Variants in DAB1 observed in about 807,000 individuals in gnomAD.
DAB1 encodes disabled homolog 1.
DAB1 carries 15 observed loss-of-function variants against 64.6 expected under a neutral mutation model. The observed-to-expected ratio is 0.23, with a 90% CI of 0.16 to 0.36. DAB1 has a LOEUF of 0.36. Among genes scored for constraint, DAB1 ranks in the 10% least tolerant of loss-of-function variants. DAB1 has a pLI of 1.00. For missense variants in DAB1, 596 were observed against 706.7 expected (o/e 0.84, Z 1.78); for synonymous variants, 235 against 251.9 (o/e 0.93, Z 0.64).
At chr1:57,428,824 C>G (rs1336667887), upstream of DAB1, among the ~76,000 whole-genome samples, 1 of 121,616 alleles carries the variant, frequency 8.2e-6, no homozygotes, top group Non-Finnish European at 1.6e-5. Context: ...ACCAACACTT[C>G]TTACATTTGT....
At chr1:57,516,958 C>A (rs1161979327) in intron 7 of DAB1, among the ~76,000 whole-genome samples, 1 of 152,158 alleles carries the variant, frequency 6.6e-6, no homozygotes, top group African/African-American at 2.4e-5. Context: ...GAAATAGGTT[C>A]TTGCTCAAAA....
chr1:57,363,593 C>T (rs1457003535), intron 1 of DAB1, among the ~76,000 whole-genome samples: 1 of 152,132 alleles, frequency 6.6e-6, no homozygotes, highest in East Asian at 1.9e-4. Context: ...ATGGAAGGCG[C>T]TTGGCACATT....
At chr1:57,510,802 G>A (rs139908653) in intron 7 of DAB1, among the ~76,000 whole-genome samples, 19 of 151,756 alleles carry the variant, frequency 1.3e-4, no homozygotes, top group South Asian at 2.1e-4. Flanking sequence ...TTTTAGACTC[G>A]GGGTCTCGCT....
intron 4 of DAB1, among the ~76,000 whole-genome samples, chr1:58,186,449 G>A (rs113119927): frequency 7.9e-5 from 12 of 152,268 alleles, no homozygotes; most frequent in African/African-American, 2.9e-4. Flanking sequence ...TTTATTAAAG[G>A]AAGTAAATAA....
chr1:57,600,063 C>G (rs907435913), intron 7 of DAB1, among the ~76,000 whole-genome samples: 1 of 152,140 alleles, frequency 6.6e-6, no homozygotes, highest in Non-Finnish European at 1.5e-5. Flanking sequence ...CGAGGAAGTC[C>G]TGCCCCACCT....
chr1:58,059,506 C>T (rs960262320), intron 5 of DAB1, among the ~76,000 whole-genome samples: 1 of 152,230 alleles, frequency 6.6e-6, no homozygotes, highest in Non-Finnish European at 1.5e-5. Context: ...GCTGGATACA[C>T]ACATGCCACT....
intron 1 of DAB1, among the ~76,000 whole-genome samples, chr1:57,304,564 T>A (rs149669394): frequency 3.3e-3 from 505 of 152,284 alleles, no homozygotes; most frequent in Non-Finnish European, 6.2e-3. Flanking sequence ...TCTTTGAGCC[T>A]CCCTTTCTAC....
At chr1:57,424,273 G>T (rs1685170213), upstream of DAB1, among the ~76,000 whole-genome samples, 1 of 151,460 alleles carries the variant, frequency 6.6e-6, no homozygotes, top group South Asian at 2.1e-4. Flanking sequence ...CGCTCTCTGC[G>T]CAGCCGGAGC....
chr1:57,208,517 C>T (rs770645293), intron 2 of DAB1, among the ~76,000 whole-genome samples: 1 of 152,236 alleles, frequency 6.6e-6, no homozygotes, highest in African/African-American at 2.4e-5. Context: ...CCTCCTTATT[C>T]TTCAGCAGCT....
At chr1:57,470,370 G>A (rs898205256) in intron 7 of DAB1, among the ~76,000 whole-genome samples, 2 of 152,188 alleles carry the variant, frequency 1.3e-5, no homozygotes, top group African/African-American at 2.4e-5. Flanking sequence ...CAGAACTCCA[G>A]ATTTTCAAAA....
At chr1:57,338,125 T>C (rs1677250944) in intron 1 of DAB1, among the ~76,000 whole-genome samples, 2 of 151,954 alleles carry the variant, frequency 1.3e-5, no homozygotes, top group African/African-American at 4.8e-5. Flanking sequence ...GCTGGGACTA[T>C]AGGCACACAC....
chr1:57,005,768 T>C (rs1307335823), intron 14 of DAB1, among the ~76,000 whole-genome samples: 2 of 152,230 alleles, frequency 1.3e-5, no homozygotes, highest in East Asian at 3.8e-4. Flanking sequence ...TGCTATTACA[T>C]GTGAATCTCA....
intron 5 of DAB1, among the ~76,000 whole-genome samples, chr1:57,971,571 A>G (rs969050203): frequency 2.0e-5 from 3 of 152,232 alleles, no homozygotes; most frequent in Admixed American, 6.5e-5. Flanking sequence ...CTCATCTGTA[A>G]GACAGGAATG....
intron 7 of DAB1, among the ~76,000 whole-genome samples, chr1:57,463,192 C>T (rs941139720): frequency 1.3e-5 from 2 of 152,170 alleles, no homozygotes; most frequent in Admixed American, 6.5e-5. Flanking sequence ...CCCTGGACAG[C>T]TTCAGTGGCT....
At chr1:57,275,140 G>C (rs1275790626) in intron 2 of DAB1, among the ~76,000 whole-genome samples, 1 of 151,964 alleles carries the variant, frequency 6.6e-6, no homozygotes, top group East Asian at 2.0e-4. Context: ...GAAAAGGATA[G>C]AGAGAAAAAG....
At chr1:58,518,999 G>A (rs1646217391) in intron 2 of DAB1, among the ~76,000 whole-genome samples, 1 of 152,122 alleles carries the variant, frequency 6.6e-6, no homozygotes, top group South Asian at 2.1e-4. Context: ...TCTCAAACTT[G>A]GCAGTATGGT....
At chr1:58,312,599 GC>G (rs1183645890) in intron 4 of DAB1, among the ~76,000 whole-genome samples, 1 of 152,190 alleles carries the variant, frequency 6.6e-6, no homozygotes, top group Admixed American at 6.5e-5. Flanking sequence ...TTCAGAATAT[GC>G]TAAAACTTAT....
rs11581876 is a variant in DAB1, at chr1:57,896,692, C to T, written n.388-12530G>A. 5.5e-3 allele frequency among the ~76,000 whole-genome samples: 832 copies of T among 152,232 alleles called. 1 individual carries two copies. The highest frequency in any genetic ancestry group is 0.01 in the Middle Eastern group (3 of 294). ...CCCATCTTTATGACGTGAGCATTAA[C>T]GGTAACCTTCCTCATGGAATTGTTA... is the stretch of plus-strand genomic sequence containing the variant. On this transcript the variant is annotated intron_variant and non_coding_transcript_variant, in intron 5 of 20. Coordinates refer to the DAB1 transcript ENST00000485760.
chr1:58,291,909 T>C (rs1661850814), intron 4 of DAB1, among the ~76,000 whole-genome samples: 3 of 152,202 alleles, frequency 2.0e-5, no homozygotes, highest in African/African-American at 4.8e-5. Context: ...TATTTCTGTG[T>C]GTGTCTCTGA....
Sources: allele counts gnomAD v4.1 joint callset (sites outside exome capture counted in the v4.1 genomes callset), GRCh38; gene constraint gnomAD v4.1.1; transcripts MANE v1.5; gene names NCBI Gene and HGNC (gene_info 2026-07-23, HGNC 2026-07-21).